The following TASP1 variants were observed in gnomAD, a reference collection of about 807,000 sequenced individuals.
TASP1 encodes taspase 1.
In TASP1, 16 loss-of-function variants were observed where a neutral mutation model predicts 56.6. That is an observed-to-expected ratio of 0.28 (90% CI 0.19 to 0.43). TASP1 has a LOEUF of 0.43. Ranked by LOEUF, TASP1 falls within the 20% of genes least tolerant of loss-of-function variation. The probability of loss-of-function intolerance (pLI) is 1.00; values close to 1 mark genes in which losing one functional copy is unlikely to be tolerated. For missense variants in TASP1, 393 were observed against 511.6 expected (o/e 0.77, Z 2.24); for synonymous variants, 179 against 184.2 (o/e 0.97, Z 0.23).
the TASP1 span, among the ~76,000 whole-genome samples, chr20:13,146,570 A>G: frequency 6.6e-6 from 1 of 152,336 alleles, no homozygotes; most frequent in South Asian, 2.1e-4. Context: ...GTAATATTAT[A>G]TCTTATCATT....
chr20:13,330,981 TTTTG>T, the TASP1 span, among the ~76,000 whole-genome samples: 2 of 152,142 alleles, frequency 1.3e-5, no homozygotes, highest in Non-Finnish European at 2.9e-5. Flanking sequence ...GTTGTATTGT[TTTTG>T]TTTGTTTGTT....
the TASP1 span, among the ~76,000 whole-genome samples, chr20:13,322,185 GAC>G: frequency 6.6e-6 from 1 of 152,308 alleles, no homozygotes; most frequent in Admixed American, 6.5e-5. Context: ...TAGCCTAGAT[GAC>G]TTCCAATTTG....
At chr20:13,408,117 T>C (rs1218296425) in intron 13 of TASP1, among the ~76,000 whole-genome samples, 1 of 152,178 alleles carries the variant, frequency 6.6e-6, no homozygotes, top group African/African-American at 2.4e-5. Context: ...TGGAATCATA[T>C]CTAAGAAATA....
chr20:13,429,961 T>C (rs2042749717), intron 12 of TASP1, among the ~76,000 whole-genome samples: 2 of 152,054 alleles, frequency 1.3e-5, no homozygotes, highest in Admixed American at 6.5e-5. Flanking sequence ...AGTTGTTATA[T>C]AGAAAGAACT....
the TASP1 span, among the ~76,000 whole-genome samples, chr20:13,320,253 GT>G: frequency 1.3e-5 from 2 of 152,224 alleles, no homozygotes; most frequent in Admixed American, 1.3e-4. Context: ...TAGAGTGTGA[GT>G]TGAGCAAAAA....
intron 10 of TASP1, among the ~76,000 whole-genome samples, chr20:13,502,115 A>T (rs892520306): frequency 1.3e-5 from 2 of 151,910 alleles, no homozygotes; most frequent in Admixed American, 1.3e-4. Context: ...ATGAGCAAAT[A>T]AATAAATAGG....
At chr20:13,548,975 C>A (rs529205625) in intron 8 of TASP1, among the ~76,000 whole-genome samples, 1 of 152,082 alleles carries the variant, frequency 6.6e-6, no homozygotes, top group African/African-American at 2.4e-5. Context: ...TAAAGAATTC[C>A]TTAATAAGAG....
At chr20:13,316,270 A>G in the TASP1 span, among the ~76,000 whole-genome samples, 1 of 152,006 alleles carries the variant, frequency 6.6e-6, no homozygotes, top group African/African-American at 2.4e-5. Flanking sequence ...GAAAAGGTCT[A>G]TATCTATTAA....
Position 13,557,290 on chromosome 20 carries a change from C to A in TASP1, c.675+1718G>T, listed in dbSNP as rs562717624. 2.6e-5 allele frequency among the ~76,000 whole-genome samples: 4 copies of A among 152,170 alleles called. No individual in the cohort carries two copies. The South Asian group carries it at 8.3e-4, about 32-fold the overall frequency. On this transcript the variant is annotated intron_variant, in intron 8 of 13. Coordinates refer to ENST00000337743, the MANE Select transcript of TASP1 (RefSeq NM_017714.3). ...TAATCAGTAATAAAAAAGAATAAAT[C>A]GGTGATACAATGTCTAATAAAAGCT...
intron 8 of TASP1, among the ~76,000 whole-genome samples, chr20:13,542,339 T>C (rs2045655299): frequency 1.3e-5 from 2 of 152,178 alleles, no homozygotes; most frequent in South Asian, 2.1e-4. Context: ...GGAAATACAA[T>C]ATTTCTAAAT....
rs138016998 is a variant in TASP1, at chr20:13,602,216, A to T, written c.283-14846T>A. 1.4e-3 allele frequency among the ~76,000 whole-genome samples: 215 copies of T among 152,124 alleles called. 3 individuals are homozygous for T. The East Asian group carries it at 0.037, about 26-fold the overall frequency. On this transcript the variant is annotated intron_variant, in intron 4 of 13. Transcript: ENST00000337743. ...ATTCTAATCATGACAAAAACATCAT[A>T]CAAATCTCAATTAAAGGAAACTCCA...
At chr20:13,126,938 C>T in the TASP1 span, among the ~76,000 whole-genome samples, 9 of 152,312 alleles carry the variant, frequency 5.9e-5, no homozygotes, top group South Asian at 2.1e-4. Context: ...CAGCAAATTT[C>T]GATAATTTTG....
the TASP1 span, among the ~76,000 whole-genome samples, chr20:13,124,311 G>C: frequency 6.6e-6 from 1 of 152,080 alleles, no homozygotes; most frequent in East Asian, 1.9e-4. Context: ...AAGATGGAAG[G>C]GGGGAGGGGG....
chr20:13,542,538 G>A (rs1455202475), intron 8 of TASP1, among the ~76,000 whole-genome samples: 2 of 152,058 alleles, frequency 1.3e-5, no homozygotes, highest in East Asian at 3.9e-4. Flanking sequence ...ACAGATCTCT[G>A]TACCCAATTT....
chr20:13,212,911 A>G, the TASP1 span, among the ~76,000 whole-genome samples: 2 of 152,196 alleles, frequency 1.3e-5, no homozygotes, highest in African/African-American at 4.8e-5. Flanking sequence ...CAAATGAGGC[A>G]CTACACCCTG....
At chr20:13,324,164 C>T in the TASP1 span, among the ~76,000 whole-genome samples, 3 of 152,308 alleles carry the variant, frequency 2.0e-5, no homozygotes, top group East Asian at 1.9e-4. Flanking sequence ...ATAACCCTCA[C>T]GAATGCTTGT....
chr20:13,564,875 G>C (rs2046462421), intron 7 of TASP1, among the ~76,000 whole-genome samples: 1 of 151,802 alleles, frequency 6.6e-6, no homozygotes, highest in Admixed American at 6.6e-5. Context: ...GTGTGGTGGT[G>C]GGCACTTGTA....
At chr20:13,302,317 G>A in the TASP1 span, among the ~76,000 whole-genome samples, 1 of 152,150 alleles carries the variant, frequency 6.6e-6, no homozygotes. Flanking sequence ...GAACACCCTG[G>A]TCTCCCATGC....
intron 4 of TASP1, among the ~76,000 whole-genome samples, chr20:13,616,120 A>G (rs1780767991): frequency 6.6e-6 from 1 of 152,080 alleles, no homozygotes; most frequent in Non-Finnish European, 1.5e-5. Flanking sequence ...ACAACACTAT[A>G]AATCCTAGGA....
Sources: allele counts gnomAD v4.1 joint callset (sites outside exome capture counted in the v4.1 genomes callset), GRCh38; gene constraint gnomAD v4.1.1; transcripts MANE v1.5; gene names NCBI Gene and HGNC (gene_info 2026-07-23, HGNC 2026-07-21).